Variants in FRMD4A observed in about 807,000 individuals in gnomAD.
FRMD4A encodes FERM domain-containing protein 4A.
In FRMD4A, 29 loss-of-function variants were observed where a neutral mutation model predicts 129.1. That is an observed-to-expected ratio of 0.22 (90% CI 0.17 to 0.31). The LOEUF is 0.31. FRMD4A is among the 10% of genes least tolerant of loss of function. The pLI, the probability that FRMD4A is intolerant of heterozygous loss-of-function variation, is 1.00. For synonymous variants in FRMD4A, 634 were observed against 571.6 expected (o/e 1.11, Z -1.56); for missense variants, 1,272 against 1,375.8 (o/e 0.92, Z 1.19).
At chr10:13,960,486 G>A (rs1301482213) in intron 2 of FRMD4A, among the ~76,000 whole-genome samples, 1 of 152,150 alleles carries the variant, frequency 6.6e-6, no homozygotes, top group African/African-American at 2.4e-5. Context: ...TTTGGTCTAA[G>A]TACTTTATAT....
chr10:13,848,609 C>CGTGTGTACGT (rs2094091886), intron 3 of FRMD4A, among the ~76,000 whole-genome samples: 1 of 124,018 alleles, frequency 8.1e-6, no homozygotes, highest in African/African-American at 3.0e-5. Flanking sequence ...TGTGTGTGTA[C>CGTGTGTACGT]GTGTGTGTGT....
intron 3 of FRMD4A, among the ~76,000 whole-genome samples, chr10:13,841,987 G>A (rs966178694): frequency 6.6e-5 from 10 of 152,110 alleles, no homozygotes; most frequent in Admixed American, 3.9e-4. Context: ...ATTGCACCGC[G>A]ATATTACAAC....
At chr10:13,788,232 C>T (rs867067480) in intron 5 of FRMD4A, among the ~76,000 whole-genome samples, 2 of 152,194 alleles carry the variant, frequency 1.3e-5, no homozygotes, top group South Asian at 2.1e-4. Flanking sequence ...CACCACCTCT[C>T]GGCTCTCACA....
chr10:13,910,331 T>A (rs1398303702), intron 2 of FRMD4A, among the ~76,000 whole-genome samples: 1 of 152,210 alleles, frequency 6.6e-6, no homozygotes, highest in Non-Finnish European at 1.5e-5. Flanking sequence ...TGAGGCAGCC[T>A]AGTTATCTCA....
At chr10:14,011,081 A>G (rs983289037) in intron 2 of FRMD4A, among the ~76,000 whole-genome samples, 4 of 152,228 alleles carry the variant, frequency 2.6e-5, no homozygotes, top group Non-Finnish European at 4.4e-5. Flanking sequence ...TGTCAGAGCT[A>G]GGATGAAAAC....
intron 2 of FRMD4A, among the ~76,000 whole-genome samples, chr10:14,232,477 A>G (rs7920799): frequency 0.072 from 10,964 of 152,216 alleles, 427 homozygotes; most frequent in Middle Eastern, 0.11. Flanking sequence ...AATGTCATTT[A>G]TAGTTTGATA....
At chr10:13,697,260 G>A (rs1589425710) in intron 14 of FRMD4A, among the ~76,000 whole-genome samples, 2 of 151,226 alleles carry the variant, frequency 1.3e-5, no homozygotes, top group African/African-American at 2.4e-5. Flanking sequence ...GGGTTCAAGC[G>A]ATTCTCCTCC....
chr10:14,014,079 G>A (rs2095690477), intron 2 of FRMD4A, among the ~76,000 whole-genome samples: 1 of 152,130 alleles, frequency 6.6e-6, no homozygotes, highest in Admixed American at 6.5e-5. Flanking sequence ...GGAGGTGGGT[G>A]GGGATGCAGG....
chr10:13,829,537 C>T (rs1010159528), intron 3 of FRMD4A, among the ~76,000 whole-genome samples: 5 of 152,164 alleles, frequency 3.3e-5, no homozygotes, highest in African/African-American at 1.2e-4. Context: ...GTTCTGTTCC[C>T]ACGTCCAAGC....
chr10:14,252,104 C>T (rs1844460944), intron 2 of FRMD4A, among the ~76,000 whole-genome samples: 1 of 152,148 alleles, frequency 6.6e-6, no homozygotes, highest in Non-Finnish European at 1.5e-5. Flanking sequence ...GTCCAATGCC[C>T]TTATCCTAGA....
intron 2 of FRMD4A, among the ~76,000 whole-genome samples, chr10:14,259,248 G>A (rs1844719078): frequency 6.6e-6 from 1 of 151,988 alleles, no homozygotes; most frequent in Non-Finnish European, 1.5e-5. Flanking sequence ...ACATGTAAAT[G>A]GTAATTTACC....
At chr10:14,111,989 G>A (rs966047517) in intron 2 of FRMD4A, among the ~76,000 whole-genome samples, 1 of 114,348 alleles carries the variant, frequency 8.7e-6, no homozygotes, top group African/African-American at 3.4e-5. Flanking sequence ...AGGAAGGCAG[G>A]GAAGGAAGGG....
intron 14 of FRMD4A, among the ~76,000 whole-genome samples, chr10:13,699,772 A>T (rs1250733052): frequency 6.6e-6 from 1 of 152,128 alleles, no homozygotes; most frequent in African/African-American, 2.4e-5. Flanking sequence ...TTGCCCCTGG[A>T]CAGCAAAACC....
chr10:14,127,930 C>CTTT (rs1163104938), intron 2 of FRMD4A, among the ~76,000 whole-genome samples: 20 of 6,286 alleles, frequency 3.2e-3, no homozygotes, highest in Middle Eastern at 0.05. Flanking sequence ...TTCTTTCTTT[C>CTTT]TTTCTTTCTT....
chr10:13,947,274 T>A (rs2095338925), intron 2 of FRMD4A, among the ~76,000 whole-genome samples: 1 of 152,192 alleles, frequency 6.6e-6, no homozygotes, highest in East Asian at 1.9e-4. Context: ...TAGCACTCTC[T>A]ATATACACTT....
At chr10:13,894,265 G>C (rs2094733063) in intron 2 of FRMD4A, among the ~76,000 whole-genome samples, 1 of 152,276 alleles carries the variant, frequency 6.6e-6, no homozygotes, top group South Asian at 2.1e-4. Context: ...ACTCCAGCTG[G>C]AGCGATTCTC....
At chr10:14,261,443 C>T (rs541149991) in intron 2 of FRMD4A, among the ~76,000 whole-genome samples, 229 of 152,284 alleles carry the variant, frequency 1.5e-3, no homozygotes, top group Non-Finnish European at 2.4e-3. Flanking sequence ...GAACTGAAAA[C>T]TGACCTGCTC....
At chr10:13,830,621 C>A (rs2093774856) in intron 3 of FRMD4A, among the ~76,000 whole-genome samples, 1 of 152,200 alleles carries the variant, frequency 6.6e-6, no homozygotes, top group Non-Finnish European at 1.5e-5. Flanking sequence ...GTTAATGTAA[C>A]CCCAGCATTG....
At chr10:14,164,960 G>A (rs1841097873) in intron 2 of FRMD4A, among the ~76,000 whole-genome samples, 1 of 152,080 alleles carries the variant, frequency 6.6e-6, no homozygotes, top group South Asian at 2.1e-4. Flanking sequence ...TCCTTCCAGT[G>A]TGGCCCAGGA....
Sources: allele counts gnomAD v4.1 joint callset (sites outside exome capture counted in the v4.1 genomes callset), GRCh38; gene constraint gnomAD v4.1.1; transcripts MANE v1.5; gene names NCBI Gene and HGNC (gene_info 2026-07-23, HGNC 2026-07-21).